KHDRBS2: variants seen among roughly 807,000 people sequenced by gnomAD.
KHDRBS2 encodes the protein KH RNA binding domain containing, signal transduction associated 2.
Under a neutral mutation model 44.3 loss-of-function variants are expected in KHDRBS2, and 26 were observed. That is an observed-to-expected ratio of 0.59 (90% CI 0.43 to 0.81). The LOEUF (loss-of-function observed/expected upper bound fraction) is 0.81. KHDRBS2 is among the 40% of genes least tolerant of loss of function. KHDRBS2 has a pLI of 0.00. For synonymous variants in KHDRBS2, 194 were observed against 151.1 expected (o/e 1.28, Z -2.08); for missense variants, 476 against 433.1 (o/e 1.10, Z -0.88).
the KHDRBS2 span, among the ~76,000 whole-genome samples, chr6:61,588,966 C>G: frequency 6.6e-6 from 1 of 152,032 alleles, no homozygotes; most frequent in African/African-American, 2.4e-5. Context: ...AATGTAGGAA[C>G]AGAAAACCAA....
intron 4 of KHDRBS2, among the ~76,000 whole-genome samples, chr6:61,904,633 A>G (rs775474452): frequency 2.6e-5 from 4 of 152,186 alleles, no homozygotes; most frequent in Non-Finnish European, 2.9e-5. Context: ...ACACAGATCC[A>G]TTCCTGGCCA....
intron 2 of KHDRBS2, among the ~76,000 whole-genome samples, chr6:62,098,822 T>G (rs767404311): frequency 6.6e-6 from 1 of 152,182 alleles, no homozygotes; most frequent in African/African-American, 2.4e-5. Context: ...GTAGGCTTTC[T>G]TCATTCCTTT....
the KHDRBS2 span, among the ~76,000 whole-genome samples, chr6:61,668,233 C>CT: frequency 6.6e-6 from 1 of 150,598 alleles, no homozygotes; most frequent in Non-Finnish European, 1.5e-5. Flanking sequence ...TTTGGTATAC[C>CT]TTTGGCATGC....
the KHDRBS2 span, among the ~76,000 whole-genome samples, chr6:61,608,116 A>G: frequency 6.6e-6 from 1 of 152,212 alleles, no homozygotes; most frequent in African/African-American, 2.4e-5. Context: ...CCACATTGGA[A>G]GACAAGAATT....
chr6:61,827,865 C>A (rs1483640092), intron 6 of KHDRBS2, among the ~76,000 whole-genome samples: 1 of 152,176 alleles, frequency 6.6e-6, no homozygotes, highest in African/African-American at 2.4e-5. Flanking sequence ...ACCCAGTTAT[C>A]TTCCAAAGGC....
chr6:62,196,371 G>A (rs1825704243), intron 1 of KHDRBS2, among the ~76,000 whole-genome samples: 1 of 152,044 alleles, frequency 6.6e-6, no homozygotes. Flanking sequence ...TAGGCAAAGA[G>A]CCTTATAGAA....
chr6:62,263,297 C>A (rs1181330173), intron 1 of KHDRBS2, among the ~76,000 whole-genome samples: 1 of 145,798 alleles, frequency 6.9e-6, no homozygotes, highest in African/African-American at 2.6e-5. Flanking sequence ...TATTTTAATG[C>A]TTTTTAAAAA....
intron 2 of KHDRBS2, among the ~76,000 whole-genome samples, chr6:62,070,590 T>A (rs1050306065): frequency 2.0e-5 from 3 of 152,050 alleles, no homozygotes; most frequent in East Asian, 1.9e-4. Flanking sequence ...ACACGCGGTG[T>A]TCGGTTTTTT....
intron 4 of KHDRBS2, among the ~76,000 whole-genome samples, chr6:61,938,148 C>T (rs922365202): frequency 1.1e-4 from 16 of 152,034 alleles, no homozygotes; most frequent in Admixed American, 3.9e-4. Flanking sequence ...GTCTCAATAT[C>T]GCTCTTCAAG....
At chr6:61,555,293 A>T in the KHDRBS2 span, among the ~76,000 whole-genome samples, 1 of 152,266 alleles carries the variant, frequency 6.6e-6, no homozygotes, top group South Asian at 2.1e-4. Context: ...AGCTTGGTCA[A>T]TTCTGCTGTT....
chr6:62,208,714 C>T (rs779610196), intron 1 of KHDRBS2, among the ~76,000 whole-genome samples: 1 of 152,152 alleles, frequency 6.6e-6, no homozygotes, highest in African/African-American at 2.4e-5. Context: ...TACTAGGATT[C>T]ACTTTTATCC....
intron 2 of KHDRBS2, among the ~76,000 whole-genome samples, chr6:62,109,297 C>G (rs553086728): frequency 1.3e-5 from 2 of 151,822 alleles, no homozygotes; most frequent in African/African-American, 2.4e-5. Context: ...AATATCCATT[C>G]CTAATTTTTA....
chr6:62,260,060 G>T (rs1315606686), intron 1 of KHDRBS2, among the ~76,000 whole-genome samples: 1 of 151,916 alleles, frequency 6.6e-6, no homozygotes, highest in Admixed American at 6.6e-5. Context: ...AGGCTTTGCT[G>T]CCAGTCAGAG....
chr6:61,747,515 C>T lies in KHDRBS2; in HGVS notation c.811-14751G>A, dbSNP rs542207875. ...ATCACTTACATTGATAAATGTAAAGCAATTTTTACACATTATTTCACACAA... is the reference window on the plus strand; with the variant it reads ...ATCACTTACATTGATAAATGTAAAGTAATTTTTACACATTATTTCACACAA... On this transcript the variant is annotated intron_variant, in intron 6 of 8. Transcript: ENST00000281156. 2.6e-5 allele frequency among the ~76,000 whole-genome samples: 4 copies of T among 152,248 alleles called. No individual in the cohort carries two copies. The East Asian group carries it at 7.7e-4, about 29-fold the overall frequency.
intron 3 of KHDRBS2, among the ~76,000 whole-genome samples, chr6:62,029,043 A>G (rs1434751414): frequency 6.6e-6 from 1 of 152,070 alleles, no homozygotes; most frequent in East Asian, 1.9e-4. Context: ...GGCAAATTAC[A>G]TTCTTCAAAC....
chr6:61,748,466 A>G (rs1777178794), intron 6 of KHDRBS2, among the ~76,000 whole-genome samples: 1 of 152,204 alleles, frequency 6.6e-6, no homozygotes, highest in Non-Finnish European at 1.5e-5. Flanking sequence ...GCCCTCTATC[A>G]ATATTGCAAA....
the KHDRBS2 span, among the ~76,000 whole-genome samples, chr6:61,672,813 G>A: frequency 1.3e-5 from 2 of 149,224 alleles, no homozygotes; most frequent in Admixed American, 6.7e-5. Flanking sequence ...TCACTCTGAT[G>A]GTAGTTTCTT....
intron 6 of KHDRBS2, among the ~76,000 whole-genome samples, chr6:61,856,597 G>A (rs1201327727): frequency 1.3e-5 from 2 of 151,556 alleles, no homozygotes; most frequent in African/African-American, 4.8e-5. Context: ...TTATTTTCAA[G>A]ATAAGTTTTA....
chr6:61,615,219 C>CCAAAAA, the KHDRBS2 span, among the ~76,000 whole-genome samples: 4 of 101,068 alleles, frequency 4.0e-5, no homozygotes, highest in African/African-American at 3.9e-5. Context: ...GGTGACAGAG[C>CCAAAAA]AAGACTCCAT....
Sources: gnomAD v4.1 joint callset for allele counts (sites outside exome capture counted in the v4.1 genomes callset) on GRCh38, gnomAD v4.1.1 for gene constraint, MANE v1.5 for transcripts, NCBI Gene and HGNC (gene_info 2026-07-23, HGNC 2026-07-21) for gene names.